The following WWOX variants were observed in gnomAD, a reference collection of about 807,000 sequenced individuals.
WWOX encodes WW domain containing oxidoreductase, also known as WW domain-containing oxidoreductase.
Under a neutral mutation model 46.2 loss-of-function variants are expected in WWOX, and 69 were observed. The observed-to-expected ratio is 1.49, with a 90% CI of 1.23 to 1.82. WWOX has a LOEUF of 1.82. Among genes scored for constraint, WWOX ranks in the 40% most tolerant of loss-of-function variants. WWOX has a pLI of 0.00. For missense variants in WWOX, 919 were observed against 542.6 expected (o/e 1.69, Z -6.89); for synonymous variants, 359 against 202.6 (o/e 1.77, Z -6.56).
intron 8 of WWOX, among the ~76,000 whole-genome samples, chr16:79,195,526 T>C (rs2051222675): frequency 6.6e-6 from 1 of 152,050 alleles, no homozygotes; most frequent in African/African-American, 2.4e-5. Flanking sequence ...TGGCCCAGAA[T>C]GGGGGATCTC....
At chr16:79,198,162 T>A (rs191577143) in intron 8 of WWOX, among the ~76,000 whole-genome samples, 2,704 of 135,768 alleles carry the variant, frequency 0.02, 88 homozygotes, top group African/African-American at 0.071. Flanking sequence ...CCGTCTCTAC[T>A]AAAAAAAAAA....
chr16:78,598,919 C>T (rs9929662), intron 8 of WWOX, among the ~76,000 whole-genome samples: 1 of 152,038 alleles, frequency 6.6e-6, no homozygotes, highest in Non-Finnish European at 1.5e-5. Context: ...CACTCAGATT[C>T]CCGCCTCTCA....
chr16:79,112,648 C>T (rs997599691), intron 8 of WWOX, among the ~76,000 whole-genome samples: 3 of 152,210 alleles, frequency 2.0e-5, no homozygotes, highest in Non-Finnish European at 4.4e-5. Context: ...ATTAAGAAAG[C>T]ACTCGCATGA....
intron 8 of WWOX, among the ~76,000 whole-genome samples, chr16:79,136,024 TCCTGTGC>T (rs2049975122): frequency 6.6e-6 from 1 of 152,232 alleles, no homozygotes; most frequent in Non-Finnish European, 1.5e-5. Context: ...TGTAATTTTT[TCCTGTGC>T]AGCAATTTTA....
intron 8 of WWOX, among the ~76,000 whole-genome samples, chr16:78,991,600 C>A (rs868490371): frequency 4.5e-3 from 353 of 78,118 alleles, no homozygotes; most frequent in Middle Eastern, 8.9e-3. Flanking sequence ...GACCTTGTCT[C>A]AAAAAAAAAA....
intron 8 of WWOX, among the ~76,000 whole-genome samples, chr16:79,087,451 T>A (rs554669778): frequency 1.3e-5 from 2 of 152,300 alleles, no homozygotes; most frequent in Admixed American, 1.3e-4. Flanking sequence ...CTTTTCATTT[T>A]CACAGCCAGT....
At chr16:78,984,587 C>T (rs1057256795) in intron 8 of WWOX, among the ~76,000 whole-genome samples, 3 of 152,170 alleles carry the variant, frequency 2.0e-5, no homozygotes, top group East Asian at 1.9e-4. Context: ...CAACTTTGTT[C>T]GGAGAGATAC....
At chr16:78,747,728 C>T (rs949565801) in intron 8 of WWOX, among the ~76,000 whole-genome samples, 3 of 152,168 alleles carry the variant, frequency 2.0e-5, no homozygotes, top group South Asian at 2.1e-4. Flanking sequence ...TTCCCTAGAG[C>T]GTCAGCCCAT....
At chr16:79,168,257 G>C (rs2050633232) in intron 8 of WWOX, among the ~76,000 whole-genome samples, 1 of 152,154 alleles carries the variant, frequency 6.6e-6, no homozygotes, top group Non-Finnish European at 1.5e-5. Context: ...GGGTGGAATT[G>C]CTGGGTCATA....
chr16:78,613,493 C>G (rs2045948324), intron 8 of WWOX, among the ~76,000 whole-genome samples: 1 of 152,140 alleles, frequency 6.6e-6, no homozygotes, highest in African/African-American at 2.4e-5. Context: ...TTTCCTCTCC[C>G]CCTTACAAGG....
intron 8 of WWOX, among the ~76,000 whole-genome samples, chr16:78,489,294 A>G (rs1362772571): frequency 1.3e-5 from 2 of 151,850 alleles, no homozygotes; most frequent in Non-Finnish European, 2.9e-5. Flanking sequence ...TTCTCTCCAG[A>G]CCCCCAGGTC....
At chr16:78,189,361 G>A (rs1040130964) in intron 5 of WWOX, among the ~76,000 whole-genome samples, 2 of 152,188 alleles carry the variant, frequency 1.3e-5, no homozygotes, top group South Asian at 4.1e-4. Flanking sequence ...GGGCACTTTG[G>A]TGCTCTGATG....
chr16:78,915,605 G>A (rs1160346426), intron 8 of WWOX, among the ~76,000 whole-genome samples: 2 of 151,978 alleles, frequency 1.3e-5, no homozygotes, highest in African/African-American at 2.4e-5. Context: ...GTTCCTATTA[G>A]CAAAATAACA....
intron 8 of WWOX, among the ~76,000 whole-genome samples, chr16:79,039,673 C>A (rs540271223): frequency 7.2e-5 from 11 of 152,150 alleles, no homozygotes; most frequent in African/African-American, 2.7e-4. Flanking sequence ...GTTCCTTGTG[C>A]CATCTTTCTT....
At chr16:78,872,590 G>A (rs1025109012) in intron 8 of WWOX, 11 of 151,952 alleles carry the variant, frequency 7.2e-5, no homozygotes, top group Admixed American at 3.3e-4. Context: ...AATACCTTAG[G>A]GCACATGGTA....
chr16:79,130,490 C>A (rs994579711), intron 8 of WWOX, among the ~76,000 whole-genome samples: 1 of 152,012 alleles, frequency 6.6e-6, no homozygotes, highest in Non-Finnish European at 1.5e-5. Flanking sequence ...GAGAAGATGT[C>A]CTTTGAGCTG....
In WWOX at chr16:78,166,258, A is replaced by G. The variant is rs79555985; in HGVS notation, c.516+1969A>G. 6.3e-3 allele frequency among the ~76,000 whole-genome samples: 950 copies of G among 151,920 alleles called. 34 individuals carry two copies. Among genetic ancestry groups the G allele is most frequent in the Admixed American group, 0.054 (827 of 15,268 alleles). ...TTTAACTGCTGTATAATATTCCATC[A>G]TGTGCTTATGCTATAACCAGTCTTC... On this transcript the variant is annotated intron_variant, in intron 5 of 8. Transcript: ENST00000566780.
intron 8 of WWOX, among the ~76,000 whole-genome samples, chr16:78,715,579 G>A (rs2048542455): frequency 1.3e-5 from 2 of 151,918 alleles, no homozygotes; most frequent in South Asian, 4.2e-4. Flanking sequence ...CGCCTCTTGG[G>A]TTCAAGCGAT....
intron 8 of WWOX, among the ~76,000 whole-genome samples, chr16:78,834,923 A>G (rs540628205): frequency 1.3e-5 from 2 of 152,318 alleles, no homozygotes; most frequent in Admixed American, 6.5e-5. Context: ...CTGAGCAATC[A>G]TATTAGCAGT....
Sources: allele counts gnomAD v4.1 joint callset (sites outside exome capture counted in the v4.1 genomes callset), GRCh38; gene constraint gnomAD v4.1.1; transcripts MANE v1.5; gene names NCBI Gene and HGNC (gene_info 2026-07-23, HGNC 2026-07-21).